TCF7L1: variants seen among roughly 807,000 people sequenced by gnomAD.
TCF7L1 encodes transcription factor 7 like 1.
A neutral mutation model predicts 63.7 loss-of-function variants in TCF7L1; 18 were observed. The observed-to-expected ratio is 0.28, with a 90% CI of 0.20 to 0.42. The LOEUF (loss-of-function observed/expected upper bound fraction) is 0.42. Among genes scored for constraint, TCF7L1 ranks in the 10% least tolerant of loss-of-function variants. The pLI is 1.00. For synonymous variants in TCF7L1, 355 were observed against 340.9 expected, an observed-to-expected ratio of 1.04 and a Z score of -0.46; for missense variants, 654 against 779.3, an observed-to-expected ratio of 0.84 and a Z score of 1.91.
chr2:85,228,027 A>G (rs901673399), intron 3 of TCF7L1, among the ~76,000 whole-genome samples: 11 of 151,830 alleles, frequency 7.2e-5, no homozygotes, highest in Admixed American at 2.0e-4. Flanking sequence ...TTAGTCACAA[A>G]CATTTTCATG....
intron 3 of TCF7L1, among the ~76,000 whole-genome samples, chr2:85,218,542 T>G (rs565151866): frequency 6.6e-6 from 1 of 151,980 alleles, no homozygotes; most frequent in East Asian, 1.9e-4. Flanking sequence ...AGGCGTGAGC[T>G]ACCACGCCCA....
chr2:85,198,778 A>T (rs569358749), intron 3 of TCF7L1, among the ~76,000 whole-genome samples: 2 of 152,152 alleles, frequency 1.3e-5, no homozygotes. Flanking sequence ...GGAAGATCGC[A>T]TGAGCCCAAG....
At chr2:85,237,508 A>T (rs1170905110) in intron 3 of TCF7L1, among the ~76,000 whole-genome samples, 1 of 152,070 alleles carries the variant, frequency 6.6e-6, no homozygotes, top group Non-Finnish European at 1.5e-5. Flanking sequence ...CATCCACAGG[A>T]TCACTCACTC....
chr2:85,139,453 G>A (rs1313836298), intron 3 of TCF7L1, among the ~76,000 whole-genome samples: 1 of 152,200 alleles, frequency 6.6e-6, no homozygotes, highest in Non-Finnish European at 1.5e-5. Context: ...AATTAAGTAG[G>A]AAAGAAGTCA....
chr2:85,192,066 G>C (rs1478932158), intron 3 of TCF7L1, among the ~76,000 whole-genome samples: 1 of 152,168 alleles, frequency 6.6e-6, no homozygotes, highest in Non-Finnish European at 1.5e-5. Flanking sequence ...GCTGCATAGG[G>C]CTGGGTGTTC....
chr2:85,200,869 G>C (rs373844664), intron 3 of TCF7L1, among the ~76,000 whole-genome samples: 89 of 152,190 alleles, frequency 5.8e-4, no homozygotes, highest in African/African-American at 2.1e-3. Context: ...TGCGACACTT[G>C]AGTTCACGGC....
chr2:85,261,722 CT>C (rs1193358042), intron 3 of TCF7L1, among the ~76,000 whole-genome samples: 5 of 123,480 alleles, frequency 4.0e-5, no homozygotes, highest in Admixed American at 1.6e-4. Context: ...AAGATCCCAT[CT>C]GTTAAAAAAA....
intron 4 of TCF7L1, among the ~76,000 whole-genome samples, chr2:85,284,950 A>C (rs533396340): frequency 2.4e-3 from 371 of 152,214 alleles, no homozygotes; most frequent in African/African-American, 8.1e-3. Flanking sequence ...AGAGATACTG[A>C]TAGCTGGGCG....
At chr2:85,292,969 G>A (rs890729635) in intron 4 of TCF7L1, among the ~76,000 whole-genome samples, 1 of 152,222 alleles carries the variant, frequency 6.6e-6, no homozygotes, top group Non-Finnish European at 1.5e-5. Flanking sequence ...GGACCTGTGG[G>A]TCACTTGGAG....
intron 3 of TCF7L1, among the ~76,000 whole-genome samples, chr2:85,236,933 T>C (rs993821063): frequency 6.6e-6 from 1 of 152,164 alleles, no homozygotes; most frequent in African/African-American, 2.4e-5. Context: ...GGGCATCAGC[T>C]CTTTGCATCC....
At chr2:85,293,272 T>C (rs777554371) in intron 4 of TCF7L1, among the ~76,000 whole-genome samples, 4 of 152,034 alleles carry the variant, frequency 2.6e-5, no homozygotes, top group Non-Finnish European at 5.9e-5. Flanking sequence ...ATCACGGGAG[T>C]GGTCCTTCAT....
chr2:85,218,993 G>A lies in TCF7L1; in HGVS notation c.442-64502G>A, dbSNP rs144905742. On this transcript the variant is annotated intron_variant, in intron 3 of 11. Transcript: ENST00000282111. ...AGCCAGGTCAACATAGCCAGACCCT[G>A]TCTCTACAAAAAATAAAATAAAATA... Among the ~76,000 whole-genome samples the A allele has an allele frequency of 4.7e-3, 720 of 152,050 alleles. 14 individuals are homozygous for A. The highest frequency in any genetic ancestry group is 0.042 in the East Asian group (215 of 5,168).
At chr2:85,139,872 G>A (rs567296021) in intron 3 of TCF7L1, among the ~76,000 whole-genome samples, 2 of 152,290 alleles carry the variant, frequency 1.3e-5, no homozygotes, top group East Asian at 3.9e-4. Context: ...TCTTATTTAA[G>A]AGGCAGCAGA....
intron 3 of TCF7L1, among the ~76,000 whole-genome samples, chr2:85,199,284 C>G (rs1177393618): frequency 1.3e-5 from 2 of 152,138 alleles, no homozygotes; most frequent in Non-Finnish European, 2.9e-5. Flanking sequence ...TTAAGATTCT[C>G]TGTCTATAAA....
intron 4 of TCF7L1, 28 bp from the exon 5 acceptor site, chr2:85,302,456 C>T (rs1372373262): frequency 2.5e-6 from 4 of 1,614,042 alleles, no homozygotes; most frequent in African/African-American, 1.3e-5. Flanking sequence ...CCTTGGCAAC[C>T]ATTCCTGGTC....
intron 3 of TCF7L1, among the ~76,000 whole-genome samples, chr2:85,164,546 A>G (rs1678371537): frequency 6.6e-6 from 1 of 152,148 alleles, no homozygotes; most frequent in South Asian, 2.1e-4. Flanking sequence ...TCCCGTAGCT[A>G]TTCTGTATCA....
At chr2:85,275,859 G>A (rs762764259) in intron 3 of TCF7L1, among the ~76,000 whole-genome samples, 3 of 147,084 alleles carry the variant, frequency 2.0e-5, no homozygotes, top group Non-Finnish European at 4.4e-5. Flanking sequence ...GGTGGAGGTT[G>A]CAGTGATCTA....
At chr2:85,281,939 T>A (rs1019470748) in intron 3 of TCF7L1, among the ~76,000 whole-genome samples, 23 of 152,196 alleles carry the variant, frequency 1.5e-4, no homozygotes, top group Admixed American at 9.8e-4. Flanking sequence ...AGATTGTGAT[T>A]GATTTTTCCT....
At chr2:85,293,187 C>T (rs1681765534) in intron 4 of TCF7L1, among the ~76,000 whole-genome samples, 1 of 152,190 alleles carries the variant, frequency 6.6e-6, no homozygotes, top group Non-Finnish European at 1.5e-5. Flanking sequence ...TGGTGTGGAT[C>T]TGTATCCCCA....
Sources: allele counts gnomAD v4.1 joint callset (sites outside exome capture counted in the v4.1 genomes callset), GRCh38; gene constraint gnomAD v4.1.1; transcripts MANE v1.5; gene names NCBI Gene and HGNC (gene_info 2026-07-23, HGNC 2026-07-21).